SMN2: variants seen among roughly 807,000 people sequenced by gnomAD.
SMN2 encodes survival of motor neuron 2, centromeric.
SMN2 carries 1 observed loss-of-function variant against 2.8 expected under a neutral mutation model. The observed-to-expected ratio is 0.35, with a 90% CI of 0.13 to 1.68. SMN2 has a LOEUF of 1.68. Among genes scored for constraint, SMN2 ranks in the 40% most tolerant of loss-of-function variants. The pLI is 0.35. For missense variants in SMN2, 12 were observed against 16.9 expected (o/e 0.71, Z 0.51); for synonymous variants, 5 against 5.0 (o/e 0.99, Z 0.01).
In SMN2 at chr5:70,074,671, G is replaced by A. The variant is rs1365873606; in HGVS notation, c.835-1850G>A. Among the ~76,000 whole-genome samples the A allele has an allele frequency of 3.3e-5, 4 of 120,522 alleles. 1 individual carries two copies. The highest frequency in any genetic ancestry group is 7.1e-5 in the Non-Finnish European group (4 of 56,720). The allele number at this position is 120,522 out of a possible 152,430, so 79.1% of individuals were successfully genotyped here. On this transcript the variant is annotated intron_variant, in intron 7 of 8. Coordinates refer to ENST00000380743, the MANE Select transcript of SMN2 (RefSeq NM_017411.4). The stretch of plus-strand genomic sequence containing the variant: ...AAAAAAAAAAATAAGGTATAAGCGG[G>A]CTCAGGAACATCATTGGACATACTG...
chr5:70,074,904 A>C (rs212224), intron 7 of SMN2, among the ~76,000 whole-genome samples: 2 of 117,528 alleles, frequency 1.7e-5, no homozygotes, highest in Non-Finnish European at 3.5e-5. Flanking sequence ...AGGCAGGAGA[A>C]TTGCTTGAAC....
At chr5:70,084,513 G>A in the SMN2 span, among the ~76,000 whole-genome samples, 7 of 137,456 alleles carry the variant, frequency 5.1e-5, 1 homozygote, top group Non-Finnish European at 9.2e-5. Flanking sequence ...ACAAAAGTTT[G>A]CTAAATTGTT....
downstream of SMN2, among the ~76,000 whole-genome samples, chr5:70,079,303 C>T (rs1360968298): frequency 8.9e-5 from 13 of 145,764 alleles, no homozygotes; most frequent in Admixed American, 6.0e-4. Context: ...CATGGTGGCA[C>T]GCCCTGTAGT....
At chr5:70,087,968 TAAG>T in the SMN2 span, among the ~76,000 whole-genome samples, 1 of 47,504 alleles carries the variant, frequency 2.1e-5, no homozygotes, top group Non-Finnish European at 3.4e-5. Context: ...AAAGTTGACA[TAAG>T]AAGTTGTGGA....
the SMN2 span, among the ~76,000 whole-genome samples, chr5:70,088,240 GTTTGAGGTATTTCTT>G: frequency 1.7e-5 from 2 of 117,806 alleles, no homozygotes; most frequent in Non-Finnish European, 1.7e-5. Context: ...AAATTACCCA[GTTTGAGGTATTTCTT>G]TATAGCAGTG....
intron 7 of SMN2, among the ~76,000 whole-genome samples, chr5:70,074,640 T>C: frequency 8.3e-6 from 1 of 120,832 alleles, no homozygotes; most frequent in East Asian, 2.3e-4. Flanking sequence ...CAAAACTCCA[T>C]CTCAAAAAAA....
At chr5:70,052,997 G>T (rs1445227835) in intron 1 of SMN2, among the ~76,000 whole-genome samples, 1 of 66,128 alleles carries the variant, frequency 1.5e-5, no homozygotes, top group African/African-American at 5.4e-5. Flanking sequence ...AGAAGGTGAT[G>T]GTTAAGAGAG....
downstream of SMN2, among the ~76,000 whole-genome samples, chr5:70,079,261 T>C (rs1032225500): frequency 4.3e-5 from 6 of 140,722 alleles, no homozygotes; most frequent in East Asian, 2.1e-4. Flanking sequence ...AGTAAAACCC[T>C]GTCTCTACTA....
chr5:70,076,479 C>G (rs1266297303), intron 7 of SMN2, 42 bp from the exon 8 acceptor site: 8 of 1,264,044 alleles, frequency 6.3e-6, no homozygotes, highest in Non-Finnish European at 8.9e-6. Context: ...CTATCTATAT[C>G]TATATAGCTA....
chr5:70,080,214 C>A (rs1774836817), downstream of SMN2, among the ~76,000 whole-genome samples: 1 of 132,732 alleles, frequency 7.5e-6, no homozygotes, highest in Non-Finnish European at 1.6e-5. Context: ...GCCTGTGATC[C>A]CAGCTACTGG....
chr5:70,075,591 G>A (rs1580733670), intron 7 of SMN2, among the ~76,000 whole-genome samples: 1 of 119,786 alleles, frequency 8.3e-6, no homozygotes, highest in South Asian at 2.6e-4. Context: ...CAGGTGATCC[G>A]CCCGCCTTGG....
At chr5:70,088,461 G>A in the SMN2 span, among the ~76,000 whole-genome samples, 1 of 65,992 alleles carries the variant, frequency 1.5e-5, no homozygotes, top group Non-Finnish European at 2.7e-5. Context: ...TTTTTGAGAC[G>A]GAGTCTTGCT....
chr5:70,070,139 C>CTA (rs1774547703), intron 6 of SMN2, among the ~76,000 whole-genome samples: 1 of 131,332 alleles, frequency 7.6e-6, no homozygotes, highest in Admixed American at 7.4e-5. Flanking sequence ...CCTCGAAATG[C>CTA]TATGTGAGCT....
chr5:70,071,554 A>T (rs1176012659), intron 7 of SMN2, among the ~76,000 whole-genome samples: 1 of 61,592 alleles, frequency 1.6e-5, no homozygotes, highest in East Asian at 5.0e-4. Flanking sequence ...TCGCTCTGTC[A>T]CCCAGGCTGG....
At chr5:70,088,205 C>T in the SMN2 span, among the ~76,000 whole-genome samples, 12 of 124,368 alleles carry the variant, frequency 9.6e-5, no homozygotes, top group Admixed American at 4.9e-4. Flanking sequence ...GCCTGCAGAA[C>T]CATGAGCCAA....
At chr5:70,070,491 C>T (rs1251526685) in intron 6 of SMN2, 150 bp from the exon 7 acceptor site, 1 of 15,086 alleles carries the variant, frequency 6.6e-5, no homozygotes, top group South Asian at 1.8e-3. Context: ...AGCAAGACCT[C>T]GTCTTTGTTT....
At chr5:70,070,168 G>C (rs1204876705) in intron 6 of SMN2, among the ~76,000 whole-genome samples, 1 of 133,734 alleles carries the variant, frequency 7.5e-6, no homozygotes, top group Admixed American at 7.3e-5. Flanking sequence ...GTGTGTGTGT[G>C]TGTGTGTATT....
the SMN2 span, among the ~76,000 whole-genome samples, chr5:70,085,113 A>G: frequency 2.3e-5 from 3 of 131,524 alleles, no homozygotes; most frequent in East Asian, 2.1e-4. Context: ...CTGAAGTGCT[A>G]TATAGTGGTA....
At chr5:70,070,352 CCAAATG>C (rs1281036991) in intron 6 of SMN2, among the ~76,000 whole-genome samples, 1 of 29,382 alleles carries the variant, frequency 3.4e-5, no homozygotes, top group African/African-American at 1.8e-4. Context: ...TTGGTTTTCT[CCAAATG>C]CTAGCTATGT....
Sources: gnomAD v4.1 joint callset for allele counts (sites outside exome capture counted in the v4.1 genomes callset) on GRCh38, gnomAD v4.1.1 for gene constraint, MANE v1.5 for transcripts, NCBI Gene and HGNC (gene_info 2026-07-23, HGNC 2026-07-21) for gene names.